Variants in RAP1GAP2 observed in about 807,000 individuals in gnomAD.
RAP1GAP2 encodes rap1 GTPase-activating protein 2.
RAP1GAP2 carries 27 observed loss-of-function variants against 95.0 expected under a neutral mutation model. The ratio of observed to expected loss-of-function variants is 0.28; its 90% CI spans 0.21 to 0.39. The LOEUF (loss-of-function observed/expected upper bound fraction) is 0.39, where lower values mean the gene tolerates loss of function less well. Ranked by LOEUF, RAP1GAP2 falls within the 10% of genes least tolerant of loss-of-function variation. The pLI is 1.00. For synonymous variants in RAP1GAP2, 373 were observed against 380.9 expected (o/e 0.98, Z 0.24); for missense variants, 771 against 970.0 (o/e 0.79, Z 2.72).
chr17:2,849,359 G>A (rs982786280), intron 2 of RAP1GAP2, among the ~76,000 whole-genome samples: 1 of 152,196 alleles, frequency 6.6e-6, no homozygotes, highest in Non-Finnish European at 1.5e-5. Flanking sequence ...TGGCTGGGTG[G>A]GGCGACGAGG....
intron 3 of RAP1GAP2, among the ~76,000 whole-genome samples, chr17:2,932,405 A>G (rs1289428316): frequency 6.6e-6 from 1 of 152,026 alleles, no homozygotes; most frequent in Non-Finnish European, 1.5e-5. Context: ...TCCCATAACA[A>G]GTGTGGGACC....
chr17:2,892,235 A>C (rs2073750272), intron 2 of RAP1GAP2, among the ~76,000 whole-genome samples: 1 of 152,058 alleles, frequency 6.6e-6, no homozygotes, highest in Admixed American at 6.6e-5. Context: ...TTTGGGATGG[A>C]TCTTGTGTCT....
intron 2 of RAP1GAP2, among the ~76,000 whole-genome samples, chr17:2,899,873 C>T (rs555310683): frequency 1.3e-5 from 2 of 152,210 alleles, no homozygotes; most frequent in East Asian, 3.9e-4. Context: ...GAGCAGTATT[C>T]CACAGTATGG....
At chr17:2,922,820 C>CTTTTT (rs1567782104) in intron 3 of RAP1GAP2, among the ~76,000 whole-genome samples, 1 of 129,100 alleles carries the variant, frequency 7.7e-6, no homozygotes, top group African/African-American at 3.2e-5. Context: ...CCAGTATTTT[C>CTTTTT]TTTTTGTTTT....
intron 8 of RAP1GAP2, among the ~76,000 whole-genome samples, chr17:2,978,660 G>A (rs1431780060): frequency 6.6e-6 from 1 of 152,190 alleles, no homozygotes; most frequent in Non-Finnish European, 1.5e-5. Context: ...TCGGCCGGGT[G>A]CTGTGGCTCA....
intron 2 of RAP1GAP2, among the ~76,000 whole-genome samples, chr17:2,884,468 G>C (rs2073415002): frequency 6.7e-6 from 1 of 149,046 alleles, no homozygotes. Context: ...CGCCTCCCCG[G>C]TTCAAGCGAT....
At chr17:2,913,882 T>G (rs1461239579) in intron 3 of RAP1GAP2, among the ~76,000 whole-genome samples, 1 of 152,038 alleles carries the variant, frequency 6.6e-6, no homozygotes, top group Non-Finnish European at 1.5e-5. Flanking sequence ...CTTAATTTTT[T>G]TTTTTTGAGG....
At chr17:2,850,517 G>C (rs2071790950) in intron 2 of RAP1GAP2, among the ~76,000 whole-genome samples, 3 of 151,318 alleles carry the variant, frequency 2.0e-5, no homozygotes. Context: ...GGGAGGCCAA[G>C]ATGGGCGGAT....
chr17:3,021,730 C>A (rs375444981), intron 19 of RAP1GAP2, among the ~76,000 whole-genome samples: 1 of 152,214 alleles, frequency 6.6e-6, no homozygotes, highest in Non-Finnish European at 1.5e-5. Flanking sequence ...CCACCGCACC[C>A]GGCCACGGTA....
intron 23 of RAP1GAP2, among the ~76,000 whole-genome samples, chr17:3,031,741 GAA>G (rs1567921000): frequency 0.019 from 2,396 of 124,832 alleles, 126 homozygotes; most frequent in African/African-American, 0.07. Context: ...CCTGGGTCCC[GAA>G]TCCCTTCCTG....
At chr17:2,794,170 G>A (rs945776930), upstream of RAP1GAP2, among the ~76,000 whole-genome samples, 4 of 151,616 alleles carry the variant, frequency 2.6e-5, no homozygotes, top group Non-Finnish European at 4.4e-5. Context: ...CCTGTGAGTC[G>A]GTTTCATTTT....
chr17:2,949,820 C>T (rs985577592), intron 3 of RAP1GAP2, among the ~76,000 whole-genome samples: 1 of 152,236 alleles, frequency 6.6e-6, no homozygotes, highest in African/African-American at 2.4e-5. Context: ...AGGAGACTCA[C>T]TCCCTGCCAA....
At chr17:2,971,043 T>C (rs1275563012) in intron 8 of RAP1GAP2, among the ~76,000 whole-genome samples, 1 of 152,098 alleles carries the variant, frequency 6.6e-6, no homozygotes, top group Non-Finnish European at 1.5e-5. Context: ...TTTAAATAAA[T>C]AAACTAAATC....
At chr17:3,025,571 G>A (rs1407790159) in intron 19 of RAP1GAP2, among the ~76,000 whole-genome samples, 6 of 152,180 alleles carry the variant, frequency 3.9e-5, no homozygotes, top group Admixed American at 2.6e-4. Context: ...TATGAAGGAT[G>A]GCCCCCCGGG....
chr17:2,916,664 T>A (rs1024360980), intron 3 of RAP1GAP2, among the ~76,000 whole-genome samples: 3 of 151,834 alleles, frequency 2.0e-5, no homozygotes, highest in African/African-American at 7.3e-5. Flanking sequence ...GAGGAGTGGG[T>A]GTGGGCAGTA....
intron 2 of RAP1GAP2, among the ~76,000 whole-genome samples, chr17:2,901,225 G>A (rs2042015928): frequency 6.6e-6 from 1 of 152,236 alleles, no homozygotes; most frequent in South Asian, 2.1e-4. Context: ...GGGAACCTCA[G>A]TGCCATGTGA....
chr17:2,832,215 A>AC (rs1567689781), intron 2 of RAP1GAP2, among the ~76,000 whole-genome samples: 13 of 147,722 alleles, frequency 8.8e-5, no homozygotes, highest in African/African-American at 3.0e-4. Flanking sequence ...AAAAAAAAAA[A>AC]GAAAACAAAA....
intron 2 of RAP1GAP2, among the ~76,000 whole-genome samples, chr17:2,891,636 T>C (rs1006279616): frequency 6.6e-5 from 10 of 151,402 alleles, no homozygotes; most frequent in African/African-American, 2.4e-4. Flanking sequence ...AGGGTGTGAA[T>C]TTTTTTGAGC....
intron 1 of RAP1GAP2, among the ~76,000 whole-genome samples, chr17:2,783,543 G>T (rs900299776): frequency 3.9e-5 from 6 of 152,176 alleles, no homozygotes; most frequent in Admixed American, 2.6e-4. Context: ...TACACAACAG[G>T]GACTGTTGCA....
Sources: gnomAD v4.1 joint callset for allele counts (sites outside exome capture counted in the v4.1 genomes callset) on GRCh38, gnomAD v4.1.1 for gene constraint, MANE v1.5 for transcripts, NCBI Gene and HGNC (gene_info 2026-07-23, HGNC 2026-07-21) for gene names.